Variants in TRIM61 observed in about 807,000 individuals in gnomAD.
The protein encoded by TRIM61 is tripartite motif containing 61, also known as putative tripartite motif-containing protein 61.
In TRIM61, 1 loss-of-function variant was observed where a neutral mutation model predicts 14.2. That is an observed-to-expected ratio of 0.07 (90% confidence interval 0.03 to 0.33). The LOEUF is 0.33. Ranked by LOEUF, TRIM61 falls within the 10% of genes least tolerant of loss-of-function variation. The pLI, the probability that TRIM61 is intolerant of heterozygous loss-of-function variation, is 0.99. For missense variants in TRIM61, 19 were observed against 202.2 expected (o/e 0.09, Z 5.49); for synonymous variants, 8 against 71.6 (o/e 0.11, Z 4.49).
intron 3 of TRIM61, chr4:164,956,938 C>G: frequency 7.5e-7 from 1 of 1,328,844 alleles, no homozygotes; most frequent in Non-Finnish European, 1.0e-6. Flanking sequence ...GCGGCCGGCA[C>G]CGTCTCTGGG....
At chr4:164,975,159 G>A (rs951709112) in intron 2 of TRIM61, among the ~76,000 whole-genome samples, 3 of 151,850 alleles carry the variant, frequency 2.0e-5, no homozygotes, top group Non-Finnish European at 4.4e-5. Flanking sequence ...CAAACCAGGG[G>A]GCAGAGGTTG....
At chr4:164,966,493 C>A (rs1450492144) in intron 3 of TRIM61, among the ~76,000 whole-genome samples, 1 of 152,026 alleles carries the variant, frequency 6.6e-6, no homozygotes, top group East Asian at 1.9e-4. Flanking sequence ...AAGTAAATAC[C>A]AAAAGAGCTG....
chr4:164,976,252 A>G (rs931587586), intron 2 of TRIM61, among the ~76,000 whole-genome samples: 1 of 152,212 alleles, frequency 6.6e-6, no homozygotes, highest in Non-Finnish European at 1.5e-5. Context: ...GGTCCTTGGT[A>G]TGCTGAGCGC....
At chr4:164,957,004 G>A (rs1732007630) in intron 3 of TRIM61, 1 of 1,473,248 alleles carries the variant, frequency 6.8e-7, no homozygotes, top group Non-Finnish European at 9.0e-7. Context: ...GACCGGGGCA[G>A]CGCCATGTAC....
chr4:164,970,680 C>T, intron 2 of TRIM61, among the ~76,000 whole-genome samples: 1 of 151,570 alleles, frequency 6.6e-6, no homozygotes, highest in Non-Finnish European at 1.5e-5. Flanking sequence ...ATGTCAATGT[C>T]AGGAAAAACA....
At position 164,954,580 on chromosome 4, in the gene TRIM61, T is replaced by A. The variant is rs1464899021; in HGVS notation, c.*205A>T. The A allele has an allele frequency of 2.0e-5, 3 of 152,250 alleles. No homozygotes were observed. The highest frequency in any genetic ancestry group is 6.5e-5 in the Admixed American group (1 of 15,282). 9.4% of individuals were successfully genotyped at this position (152,250 alleles called of 1,614,324 possible). A position where few individuals can be genotyped will look rare whatever the true frequency, so the allele number is the denominator to read the frequency against. ...TCTTGTATTAATTAGCATATTTATA[T>A]GTACATATTATACAGAAATACATAT... On this transcript the variant is annotated 3_prime_UTR_variant, in exon 5 of 5. Transcript: ENST00000329314.
In TRIM61 at chr4:164,961,230, T is replaced by G. The variant is rs1392906633; in HGVS notation, c.526-6134A>C. On this transcript the variant is annotated intron_variant, in intron 3 of 4. Transcript: ENST00000329314. ...AACAATAATTGATATGTTAAAGGCT[T>G]TGGCAGAAAATAAAGACAACATGCA... Among the ~76,000 whole-genome samples, 4 of 125,300 alleles carry G rather than the reference T, an allele frequency of 3.2e-5. No homozygotes were observed. The Admixed American group carries it at 3.3e-4, about 10-fold the overall frequency. 82.2% of individuals were successfully genotyped at this position (125,300 alleles called of 152,430 possible). A position where few individuals can be genotyped will look rare whatever the true frequency, so the allele number is the denominator to read the frequency against.
In TRIM61 at chr4:164,969,497, G is replaced by C. The variant is rs747704179; in HGVS notation, c.506C>G (p.Ser169Ter). The change falls in exon 3 of 5, where the codon TCA becomes TGA. Residue 169 changes from serine (S) to a stop codon, truncating the protein, a stop_gained. Transcript: ENST00000329314. LOFTEE classifies it high-confidence loss of function. The stretch of plus-strand genomic sequence containing the variant: ...TTTTACCTTTTTCTTCAGTTCCAGT[G>C]ATTTCCTGGTTTGCATAGTTATGAC... 4 of 1,547,674 alleles carry C rather than the reference G, an allele frequency of 2.6e-6. No individual in the cohort carries two copies. The African/African-American group carries it at 5.6e-5, about 22-fold the overall frequency.
At chr4:164,970,978 G>A (rs1732351967) in intron 2 of TRIM61, among the ~76,000 whole-genome samples, 2 of 152,160 alleles carry the variant, frequency 1.3e-5, no homozygotes, top group South Asian at 2.1e-4. Context: ...GCATGTGCCT[G>A]TAATCCCAGC....
At chr4:164,967,101 TTA>T (rs1346882316) in intron 3 of TRIM61, among the ~76,000 whole-genome samples, 1 of 152,164 alleles carries the variant, frequency 6.6e-6, no homozygotes, top group Non-Finnish European at 1.5e-5. Context: ...TATTCAAAAA[TTA>T]GTTTTCTGTA....
At chr4:164,976,648 G>A (rs1255840220) in intron 2 of TRIM61, 40 bp downstream of exon 2, 2 of 152,056 alleles carry the variant, frequency 1.3e-5, no homozygotes, top group Non-Finnish European at 2.9e-5. Context: ...ACATTCCACT[G>A]GTCCTTTATT....
At chr4:164,965,377 G>A (rs1352405878) in intron 3 of TRIM61, among the ~76,000 whole-genome samples, 2 of 151,766 alleles carry the variant, frequency 1.3e-5, no homozygotes, top group Non-Finnish European at 2.9e-5. Flanking sequence ...GCTGACCTTG[G>A]GTGCGAGTTC....
At chr4:164,958,821 C>G (rs1219771443) in intron 3 of TRIM61, 2 of 167,028 alleles carry the variant, frequency 1.2e-5, no homozygotes, top group African/African-American at 4.8e-5. Flanking sequence ...ACACCAAATT[C>G]CTGTTAAACA....
chr4:164,977,488 G>A (rs1732506846), intron 1 of TRIM61, 43 bp downstream of exon 1: 1 of 152,338 alleles, frequency 6.6e-6, no homozygotes, highest in Admixed American at 6.5e-5. Context: ...TAAGCCTCCT[G>A]GCGAGGCCCT....
rs1370043898 is a variant in TRIM61 at position 164,976,736 on chromosome 4, C to A, written c.-386G>T. The A allele has an allele frequency of 6.6e-6, 1 of 152,230 alleles. No homozygotes were observed. The highest frequency in any genetic ancestry group is 1.5e-5 in the Non-Finnish European group (1 of 68,052). 9.4% of individuals were successfully genotyped at this position (152,230 alleles called of 1,614,324 possible). A position where few individuals can be genotyped will look rare whatever the true frequency, so the allele number is the denominator to read the frequency against. ...TCTTGGTAAAAGATTGCCTGGGCCA[C>A]ATCCCCAGTTTCTGACTCAGTAGGG... On this transcript the variant is annotated 5_prime_UTR_variant, in exon 2 of 5. It removes an upstream start codon present in the reference 5' UTR. Coordinates refer to ENST00000329314, the MANE Select transcript of TRIM61 (RefSeq NM_001012414.3).
At chr4:164,962,387 ATTTG>A (rs1732155578) in intron 3 of TRIM61, among the ~76,000 whole-genome samples, 2 of 128,254 alleles carry the variant, frequency 1.6e-5, no homozygotes, top group Admixed American at 1.7e-4. Flanking sequence ...TGCCTGGCTA[ATTTG>A]TGTGTGTGTG....
chr4:164,966,961 C>G (rs1732257156), intron 3 of TRIM61, among the ~76,000 whole-genome samples: 1 of 152,006 alleles, frequency 6.6e-6, no homozygotes, highest in African/African-American at 2.4e-5. Flanking sequence ...GAAAAATGAT[C>G]TGTATTACAC....
intron 3 of TRIM61, among the ~76,000 whole-genome samples, chr4:164,965,772 G>A (rs6814756): frequency 0.34 from 51,210 of 151,934 alleles, 8,991 homozygotes; most frequent in African/African-American, 0.41. Context: ...TCATAACAAT[G>A]TATTTCCCAA....
chr4:164,976,899 A>G (rs1416706825), intron 1 of TRIM61, 74 bp from the exon 2 acceptor site: 1 of 152,184 alleles, frequency 6.6e-6, no homozygotes, highest in African/African-American at 2.4e-5. Flanking sequence ...ATCATGTCAC[A>G]TATCACAGTT....
Sources: gnomAD v4.1 joint callset for allele counts (sites outside exome capture counted in the v4.1 genomes callset) on GRCh38, gnomAD v4.1.1 for gene constraint, MANE v1.5 for transcripts, NCBI Gene and HGNC (gene_info 2026-07-23, HGNC 2026-07-21) for gene names.